SCAND3: variants seen among roughly 807,000 people sequenced by gnomAD.
The protein encoded by SCAND3 is SCAN domain containing 3, also known as SCAN domain-containing protein 3.
the SCAND3 span, chr6:28,589,741 CG>C: frequency 2.0e-5 from 3 of 152,064 alleles, no homozygotes; most frequent in Non-Finnish European, 4.4e-5. Flanking sequence ...TGGAGACAAA[CG>C]CTTCCTCAAA....
chr6:28,584,141 AC>A, the SCAND3 span, among the ~76,000 whole-genome samples: 1 of 152,184 alleles, frequency 6.6e-6, no homozygotes, highest in African/African-American at 2.4e-5. Context: ...GGGCACTGTC[AC>A]CCCCTGTATA....
chr6:28,610,171 G>A, the SCAND3 span, among the ~76,000 whole-genome samples: 3 of 151,998 alleles, frequency 2.0e-5, no homozygotes, highest in African/African-American at 7.3e-5. Context: ...TTCCCCCCAG[G>A]TTTTTAAAAT....
At chr6:28,586,742 AG>A in the SCAND3 span, 1 of 1,596,754 alleles carries the variant, frequency 6.3e-7, no homozygotes, top group African/African-American at 1.3e-5. This position sits in a 1 kb window ranked among gnomAD's most constrained non-coding sequence, Gnocchi z 4.4. Flanking sequence ...GCTCAGGCAA[AG>A]GTTCTCTCCA....
the SCAND3 span, chr6:28,590,420 G>C: frequency 6.7e-6 from 1 of 148,284 alleles, no homozygotes; most frequent in African/African-American, 2.5e-5. Flanking sequence ...GTGTAGACGA[G>C]GATTGAATTG....
chr6:28,594,622 T>G, the SCAND3 span, among the ~76,000 whole-genome samples: 3 of 152,190 alleles, frequency 2.0e-5, no homozygotes, highest in Non-Finnish European at 2.9e-5. Context: ...GCCATTGCAC[T>G]CCAGCCTGGG....
chr6:28,601,867 G>A, the SCAND3 span, among the ~76,000 whole-genome samples: 4 of 152,150 alleles, frequency 2.6e-5, no homozygotes, highest in African/African-American at 9.7e-5. Context: ...TTTGAGGGAG[G>A]GAAAGTTGTT....
the SCAND3 span, among the ~76,000 whole-genome samples, chr6:28,579,611 T>C: frequency 2.0e-5 from 3 of 152,194 alleles, no homozygotes; most frequent in Non-Finnish European, 4.4e-5. This position sits in a 1 kb window ranked among gnomAD's most constrained non-coding sequence, Gnocchi z 4.5. Context: ...CAACAGAAAC[T>C]GATGTCTCTA....
the SCAND3 span, chr6:28,591,668 C>T: frequency 1.3e-5 from 2 of 152,084 alleles, no homozygotes; most frequent in African/African-American, 4.8e-5. Context: ...CCCAGCTGTC[C>T]CTGATGTATT....
At chr6:28,586,277 A>G in the SCAND3 span, 1 of 1,566,880 alleles carries the variant, frequency 6.4e-7, no homozygotes, top group Non-Finnish European at 8.7e-7. The surrounding 1 kb of genome is among the most constrained non-coding windows in gnomAD (Gnocchi z 4.4). Flanking sequence ...TCCACAGAAG[A>G]TGGCACCTCC....
chr6:28,608,226 C>T, the SCAND3 span, among the ~76,000 whole-genome samples: 1 of 152,320 alleles, frequency 6.6e-6, no homozygotes, highest in African/African-American at 2.4e-5. Context: ...ACGGCTATGA[C>T]GCACTGCCAC....
chr6:28,576,768 CTTT>C, the SCAND3 span, among the ~76,000 whole-genome samples: 1 of 141,174 alleles, frequency 7.1e-6, no homozygotes, highest in Non-Finnish European at 1.5e-5. Context: ...TATGCAAAGA[CTTT>C]TTTTTTTTTT....
chr6:28,586,132 A>T, the SCAND3 span, among the ~76,000 whole-genome samples: 1 of 152,226 alleles, frequency 6.6e-6, no homozygotes, highest in African/African-American at 2.4e-5. The surrounding 1 kb of genome is among the most constrained non-coding windows in gnomAD (Gnocchi z 4.4). Context: ...ATACACAAAA[A>T]CTGTTATCTC....
the SCAND3 span, among the ~76,000 whole-genome samples, chr6:28,583,664 G>A: frequency 6.6e-6 from 1 of 152,324 alleles, no homozygotes; most frequent in African/African-American, 2.4e-5. Flanking sequence ...ATGTCATGAA[G>A]TGAAATCATG....
the SCAND3 span, chr6:28,575,557 T>C: frequency 1.9e-6 from 3 of 1,613,998 alleles, no homozygotes; most frequent in African/African-American, 2.7e-5. This position sits in a 1 kb window ranked among gnomAD's most constrained non-coding sequence, Gnocchi z 4.2. Context: ...AGGATTCAAC[T>C]GCATGTCTAT....
the SCAND3 span, among the ~76,000 whole-genome samples, chr6:28,610,386 G>A: frequency 6.6e-6 from 1 of 152,100 alleles, no homozygotes; most frequent in African/African-American, 2.4e-5. Flanking sequence ...AGCTGGGTGT[G>A]GTGGCGTGTG....
the SCAND3 span, chr6:28,572,747 C>T: frequency 6.2e-7 from 1 of 1,614,040 alleles, no homozygotes; most frequent in Non-Finnish European, 8.5e-7. This position sits in a 1 kb window ranked among gnomAD's most constrained non-coding sequence, Gnocchi z 4.1. Flanking sequence ...TTATGATCAG[C>T]TTCCATATTA....
At chr6:28,597,364 C>T in the SCAND3 span, among the ~76,000 whole-genome samples, 11 of 152,346 alleles carry the variant, frequency 7.2e-5, no homozygotes, top group East Asian at 1.9e-4. Flanking sequence ...TTCGAACCCA[C>T]GCGTGCAGAG....
At chr6:28,609,319 A>T in the SCAND3 span, among the ~76,000 whole-genome samples, 1 of 152,232 alleles carries the variant, frequency 6.6e-6, no homozygotes, top group Admixed American at 6.5e-5. Flanking sequence ...CAAAGTTAAC[A>T]TAAACATATA....
chr6:28,575,966 C>T, the SCAND3 span: 2 of 1,613,456 alleles, frequency 1.2e-6, no homozygotes, highest in African/African-American at 1.3e-5. This position sits in a 1 kb window ranked among gnomAD's most constrained non-coding sequence, Gnocchi z 4.2. Context: ...CAGTACTTTG[C>T]TTTAGAAAAT....
Sources: allele counts gnomAD v4.1 joint callset (sites outside exome capture counted in the v4.1 genomes callset), GRCh38; gene constraint gnomAD v4.1.1; non-coding constraint Gnocchi (gnomAD v3.1); transcripts MANE v1.5; gene names NCBI Gene and HGNC (gene_info 2026-07-23, HGNC 2026-07-21).